The following PSD3 variants were observed in gnomAD, a reference collection of about 807,000 sequenced individuals.
PSD3 encodes the protein pleckstrin and Sec7 domain containing 3.
Under a neutral mutation model 105.5 loss-of-function variants are expected in PSD3, and 49 were observed. The observed-to-expected ratio is 0.46, with a 90% CI of 0.37 to 0.59. The LOEUF (loss-of-function observed/expected upper bound fraction) is 0.59. Among genes scored for constraint, PSD3 ranks in the 20% least tolerant of loss-of-function variants. The probability of loss-of-function intolerance (pLI) is 0.00; values close to 1 mark genes in which losing one functional copy is unlikely to be tolerated. For synonymous variants in PSD3, 557 were observed against 457.8 expected (o/e 1.22, Z -2.77); for missense variants, 1,561 against 1,263.8 (o/e 1.24, Z -3.57).
At chr8:18,720,553 G>A (rs1032270755) in intron 9 of PSD3, among the ~76,000 whole-genome samples, 1 of 152,150 alleles carries the variant, frequency 6.6e-6, no homozygotes, top group African/African-American at 2.4e-5. Flanking sequence ...AAGATCTTGA[G>A]TGGGACATAA....
chr8:18,569,551 T>C (rs1228998993), intron 14 of PSD3, among the ~76,000 whole-genome samples: 1 of 117,244 alleles, frequency 8.5e-6, no homozygotes, highest in Non-Finnish European at 1.8e-5. Flanking sequence ...TTACAAGGGA[T>C]GTGAAGGACC....
At chr8:18,731,445 C>T (rs1373046679) in intron 9 of PSD3, among the ~76,000 whole-genome samples, 1 of 152,134 alleles carries the variant, frequency 6.6e-6, no homozygotes, top group Non-Finnish European at 1.5e-5. Context: ...TATACCCTTC[C>T]TCTTTTATCT....
At chr8:18,596,703 C>T (rs1804127204) in intron 12 of PSD3, among the ~76,000 whole-genome samples, 1 of 151,926 alleles carries the variant, frequency 6.6e-6, no homozygotes, top group Admixed American at 6.6e-5. Flanking sequence ...AACAATTATA[C>T]ACCAACAAAT....
chr8:18,669,829 T>C (rs1799679281), intron 9 of PSD3, among the ~76,000 whole-genome samples: 1 of 152,222 alleles, frequency 6.6e-6, no homozygotes, highest in African/African-American at 2.4e-5. Flanking sequence ...TACAGTAAAG[T>C]ATTTTATAAC....
intron 6 of PSD3, among the ~76,000 whole-genome samples, chr8:18,804,090 A>G (rs1810978241): frequency 6.6e-6 from 1 of 152,196 alleles, no homozygotes; most frequent in Admixed American, 6.5e-5. Flanking sequence ...TCATTTCGTT[A>G]AATGAATACG....
chr8:18,555,947 A>G (rs1565231), intron 15 of PSD3, among the ~76,000 whole-genome samples: 77,604 of 151,986 alleles, frequency 0.51, 20,295 homozygotes, highest in Admixed American at 0.63. Context: ...TCTTCCCCTC[A>G]CAGCGGGCGC....
At chr8:18,564,287 G>T (rs927408028) in intron 14 of PSD3, among the ~76,000 whole-genome samples, 1 of 152,134 alleles carries the variant, frequency 6.6e-6, no homozygotes, top group African/African-American at 2.4e-5. Context: ...GAGTAGACCA[G>T]TGATCTAGGT....
chr8:18,803,955 C>A (rs934840335), intron 6 of PSD3, among the ~76,000 whole-genome samples: 2 of 35,422 alleles, frequency 5.6e-5, no homozygotes, highest in African/African-American at 1.7e-4. Context: ...TATTCTAACA[C>A]GATAAAAAAA....
Position 19,055,119 on chromosome 8 carries a change from C to A in PSD3, c.324+29087G>T, listed in dbSNP as rs992042739. 1.4e-4 allele frequency among the ~76,000 whole-genome samples: 21 copies of A among 152,274 alleles called. No individual in the cohort carries two copies. The South Asian group carries it at 4.4e-3, about 32-fold the overall frequency. Reference sequence around the variant, plus strand: ...TTGAGTTGCATGAGCAAGAAATAAGCCTTTGTTGCATTAATCCACTGAGAG... The same window carrying A: ...TTGAGTTGCATGAGCAAGAAATAAGACTTTGTTGCATTAATCCACTGAGAG... On this transcript the variant is annotated intron_variant, in intron 1 of 1. Transcript: ENST00000521475.
intron 14 of PSD3, among the ~76,000 whole-genome samples, chr8:18,568,760 G>A (rs1347437181): frequency 6.6e-6 from 1 of 151,496 alleles, no homozygotes; most frequent in Non-Finnish European, 1.5e-5. Flanking sequence ...CAATGTGCAG[G>A]TTAGTTACAT....
At chr8:18,972,252 C>G (rs904912520) in intron 1 of PSD3, among the ~76,000 whole-genome samples, 1 of 152,130 alleles carries the variant, frequency 6.6e-6, no homozygotes, top group Non-Finnish European at 1.5e-5. Context: ...TGTCTAATTT[C>G]CACTTGTGAA....
At position 18,872,596 on chromosome 8, in the gene PSD3, C is replaced by G; in HGVS notation, c.268G>C (p.Glu90Gln). 6.2e-7 allele frequency: 1 copy of G among 1,614,110 alleles called. No individual in the cohort carries two copies. ...GTAAGAGGCTGGACACCCTGCTGCT[C>G]TTGTGGGTGGCATGGCAGAGCCTCA... ...DGEALPCHPQ[E>Q]QQGVQPLTGC... The change falls in exon 3 of 16, where the codon GAG becomes CAG. Residue 90 changes from glutamate (E) to glutamine (Q), a missense_variant. Glu to Gln is a conservative substitution (Grantham distance 29, BLOSUM62 2). Coordinates refer to ENST00000327040, the MANE Select transcript of PSD3 (RefSeq NM_015310.4).
intron 9 of PSD3, among the ~76,000 whole-genome samples, chr8:18,706,815 CCTT>C (rs1364799660): frequency 6.6e-6 from 1 of 152,158 alleles, no homozygotes; most frequent in Non-Finnish European, 1.5e-5. Flanking sequence ...AGCTAAGCAA[CCTT>C]CTGAGTATAC....
At chr8:18,585,508 G>T (rs1200606275) in intron 12 of PSD3, among the ~76,000 whole-genome samples, 1 of 151,944 alleles carries the variant, frequency 6.6e-6, no homozygotes, top group African/African-American at 2.4e-5. Context: ...TGTAGAGATG[G>T]GGTTTTGACA....
chr8:18,564,768 G>C (rs558255109), intron 14 of PSD3, among the ~76,000 whole-genome samples: 1 of 152,108 alleles, frequency 6.6e-6, no homozygotes, highest in African/African-American at 2.4e-5. Context: ...CTGCCCGTAA[G>C]GTCAGCTCCA....
chr8:19,053,800 T>G (rs1451735737), intron 1 of PSD3, among the ~76,000 whole-genome samples: 1 of 152,248 alleles, frequency 6.6e-6, no homozygotes, highest in Non-Finnish European at 1.5e-5. Flanking sequence ...GATTTTTTTC[T>G]GTTTTGTTCA....
At chr8:18,944,180 A>G (rs1402424963) in intron 1 of PSD3, among the ~76,000 whole-genome samples, 1 of 152,136 alleles carries the variant, frequency 6.6e-6, no homozygotes, top group East Asian at 1.9e-4. Flanking sequence ...TTTGCACCCT[A>G]TCAGTGGCAC....
chr8:18,647,441 G>A (rs1345128202), intron 10 of PSD3, among the ~76,000 whole-genome samples: 3 of 152,164 alleles, frequency 2.0e-5, no homozygotes, highest in Non-Finnish European at 4.4e-5. Flanking sequence ...AGGGCAATAT[G>A]AAATTGCAGG....
intron 9 of PSD3, among the ~76,000 whole-genome samples, chr8:18,657,339 C>A (rs535578411): frequency 6.6e-6 from 1 of 152,302 alleles, no homozygotes; most frequent in East Asian, 1.9e-4. Flanking sequence ...ATATTATTTA[C>A]GACTCAATAC....
Sources: allele counts gnomAD v4.1 joint callset (sites outside exome capture counted in the v4.1 genomes callset), GRCh38; gene constraint gnomAD v4.1.1; transcripts MANE v1.5; gene names NCBI Gene and HGNC (gene_info 2026-07-23, HGNC 2026-07-21).